RASEF: variants seen among roughly 807,000 people sequenced by gnomAD.
RASEF encodes RAS and EF-hand domain containing.
Under a neutral mutation model 90.1 loss-of-function variants are expected in RASEF, and 68 were observed. The observed-to-expected ratio is 0.75, with a 90% CI of 0.62 to 0.92. RASEF has a LOEUF of 0.92. Ranked by LOEUF, RASEF falls within the 40% of genes least tolerant of loss-of-function variation. The probability of loss-of-function intolerance (pLI) is 0.00; values close to 1 mark genes in which losing one functional copy is unlikely to be tolerated. For synonymous variants in RASEF, 331 were observed against 345.2 expected (o/e 0.96, Z 0.46); for missense variants, 949 against 937.2 (o/e 1.01, Z -0.16).
chr9:83,139,049 G>T, the RASEF span, among the ~76,000 whole-genome samples: 1 of 152,242 alleles, frequency 6.6e-6, no homozygotes, highest in South Asian at 2.1e-4. Context: ...CAGCATTGCA[G>T]AATTTTCCCA....
chr9:83,196,564 C>CCTGCTG, the RASEF span, among the ~76,000 whole-genome samples: 1 of 152,140 alleles, frequency 6.6e-6, no homozygotes, highest in Non-Finnish European at 1.5e-5. Context: ...CTTGCTGAAT[C>CCTGCTG]TCCTGCTGTG....
the RASEF span, among the ~76,000 whole-genome samples, chr9:83,175,683 C>T: frequency 2.0e-5 from 3 of 152,010 alleles, no homozygotes; most frequent in African/African-American, 7.2e-5. Flanking sequence ...TGGGTTCACG[C>T]CATTCTCCTG....
At chr9:83,209,134 A>C in the RASEF span, among the ~76,000 whole-genome samples, 6 of 152,348 alleles carry the variant, frequency 3.9e-5, no homozygotes, top group African/African-American at 1.4e-4. Flanking sequence ...TGGACACTTC[A>C]AGGAGCAGAG....
In RASEF at chr9:83,017,573, C is replaced by T. The variant is rs750232615; in HGVS notation, c.670-1673G>A. Among the ~76,000 whole-genome samples the T allele has an allele frequency of 7.5e-4, 114 of 152,096 alleles. 1 individual carries two copies. Among genetic ancestry groups the T allele is most frequent in the African/African-American group, 2.7e-3 (112 of 41,510 alleles). ...ACTAGCCTATTTCATTCCCAACCTG[C>T]GACAGGTAGATGCTGAGAGATCAGA... On this transcript the variant is annotated intron_variant, in intron 3 of 16. Transcript: ENST00000376447.
At chr9:83,085,326 T>A in the RASEF span, among the ~76,000 whole-genome samples, 1 of 152,204 alleles carries the variant, frequency 6.6e-6, no homozygotes, top group Non-Finnish European at 1.5e-5. Context: ...ATGAAATCAT[T>A]CAAGCATTAT....
chr9:83,219,138 A>ATAT, the RASEF span, among the ~76,000 whole-genome samples: 1 of 152,260 alleles, frequency 6.6e-6, no homozygotes, highest in African/African-American at 2.4e-5. Flanking sequence ...AATAATAATA[A>ATAT]TAAAAGTTAC....
intron 1 of RASEF, among the ~76,000 whole-genome samples, chr9:83,038,489 A>G (rs970986328): frequency 2.6e-5 from 4 of 152,172 alleles, no homozygotes; most frequent in African/African-American, 9.6e-5. Context: ...AAAATTAAGA[A>G]TACGACCACA....
At chr9:83,073,969 G>C in the RASEF span, among the ~76,000 whole-genome samples, 1 of 152,126 alleles carries the variant, frequency 6.6e-6, no homozygotes, top group Non-Finnish European at 1.5e-5. Flanking sequence ...ATTATTTCTT[G>C]ATTATTTCCG....
the RASEF span, among the ~76,000 whole-genome samples, chr9:83,206,789 C>T: frequency 1.3e-5 from 2 of 152,034 alleles, no homozygotes; most frequent in African/African-American, 4.8e-5. Flanking sequence ...CTTTTTTGCC[C>T]AGCTCTCATT....
chr9:83,136,768 G>T, the RASEF span, among the ~76,000 whole-genome samples: 11 of 152,136 alleles, frequency 7.2e-5, no homozygotes, highest in African/African-American at 2.6e-4. Context: ...TGAAATACAA[G>T]AAAATGTTTT....
At chr9:83,010,157 G>T (rs1377523573) in intron 5 of RASEF, among the ~76,000 whole-genome samples, 2 of 152,080 alleles carry the variant, frequency 1.3e-5, no homozygotes, top group Admixed American at 1.3e-4. Context: ...AGGTACACTG[G>T]CTACTTTTTA....
At chr9:83,076,885 T>G in the RASEF span, among the ~76,000 whole-genome samples, 42 of 152,208 alleles carry the variant, frequency 2.8e-4, no homozygotes, top group African/African-American at 9.9e-4. Flanking sequence ...ATTAGCTTAT[T>G]ATATAATTCT....
upstream of RASEF, among the ~76,000 whole-genome samples, chr9:83,064,097 T>G (rs562522172): frequency 6.6e-6 from 1 of 152,366 alleles, no homozygotes; most frequent in Non-Finnish European, 1.5e-5. Flanking sequence ...TTTATTACTT[T>G]GATTTTTTAA....
At chr9:83,165,637 G>A in the RASEF span, among the ~76,000 whole-genome samples, 3 of 152,012 alleles carry the variant, frequency 2.0e-5, no homozygotes, top group Admixed American at 6.6e-5. Context: ...GAAAACACAC[G>A]AAATCATAAA....
chr9:83,144,379 G>GA, the RASEF span, among the ~76,000 whole-genome samples: 37 of 23,684 alleles, frequency 1.6e-3, 4 homozygotes, highest in East Asian at 5.9e-3. Flanking sequence ...AAGAAAGAAA[G>GA]AAAGAAAGAA....
At chr9:83,049,848 A>G (rs1353329264) in intron 1 of RASEF, among the ~76,000 whole-genome samples, 2 of 83,952 alleles carry the variant, frequency 2.4e-5, no homozygotes, top group East Asian at 3.5e-4. Context: ...AATTTCATCC[A>G]TGTCCCTACA....
the RASEF span, among the ~76,000 whole-genome samples, chr9:83,088,758 T>C: frequency 6.6e-6 from 1 of 152,042 alleles, no homozygotes; most frequent in African/African-American, 2.4e-5. Flanking sequence ...TTTTGGTTAG[T>C]GTTTGCATGG....
chr9:83,219,000 G>T, the RASEF span, among the ~76,000 whole-genome samples: 2 of 152,076 alleles, frequency 1.3e-5, no homozygotes, highest in Admixed American at 1.3e-4. Flanking sequence ...TGAATCTGAA[G>T]ATAAAATGTT....
At chr9:83,162,823 T>C in the RASEF span, among the ~76,000 whole-genome samples, 1 of 152,142 alleles carries the variant, frequency 6.6e-6, no homozygotes, top group African/African-American at 2.4e-5. Context: ...GGCAGCTCAG[T>C]GTAGACAAGG....
Sources: allele counts gnomAD v4.1 joint callset (sites outside exome capture counted in the v4.1 genomes callset), GRCh38; gene constraint gnomAD v4.1.1; transcripts MANE v1.5; gene names NCBI Gene and HGNC (gene_info 2026-07-23, HGNC 2026-07-21).